Variants in MAN2A2 observed in about 807,000 individuals in gnomAD.
The protein encoded by MAN2A2 is mannosidase alpha class 2A member 2.
A neutral mutation model predicts 126.8 loss-of-function variants in MAN2A2; 79 were observed. The observed-to-expected ratio is 0.62, with a 90% CI of 0.52 to 0.75. The LOEUF is 0.75. Among genes scored for constraint, MAN2A2 ranks in the 30% least tolerant of loss-of-function variants. The pLI is 0.00. For synonymous variants in MAN2A2, 671 were observed against 618.7 expected (o/e 1.08, Z -1.25); for missense variants, 1,392 against 1,522.4 (o/e 0.91, Z 1.43).
chr15:90,910,621 C>T lies in MAN2A2; in HGVS notation c.1698C>T (p.Phe566=). 6.2e-7 allele frequency: 1 copy of T among 1,614,176 alleles called. No homozygotes were observed. The highest frequency in any genetic ancestry group is 8.5e-7 in the Non-Finnish European group (1 of 1,180,042). Reference sequence around the variant, plus strand: ...AAGCTCGGCGCACATTGGGGCTCTTCCAGCATCACGATGCCATCACTGGCA... The same window carrying T: ...AAGCTCGGCGCACATTGGGGCTCTTTCAGCATCACGATGCCATCACTGGCA... ...LTEARRTLGL[F]QHHDAITGTA... is the part of the protein sequence containing the mutation. The change falls in exon 11 of 23, where the codon TTC becomes TTT. Residue 566 remains phenylalanine, a synonymous_variant. Coordinates refer to ENST00000559717, the MANE Select transcript of MAN2A2 (RefSeq NM_006122.4).
intron 20 of MAN2A2, chr15:90,916,789 G>A (rs1374725703): frequency 6.6e-6 from 4 of 608,042 alleles, no homozygotes; most frequent in Non-Finnish European, 1.1e-5. Context: ...TTTACTGTGA[G>A]GACCCAGAGG....
Position 90,913,696 on chromosome 15 carries a change from C to A in MAN2A2, c.2801C>A (p.Ala934Glu), listed in dbSNP as rs1360304519. The change falls in exon 19 of 23, where the codon GCA becomes GAA. Residue 934 changes from alanine (A) to glutamate (E), a missense_variant. Ala to Glu is a moderately radical substitution (Grantham distance 107). Transcript: ENST00000559717. The part of the protein sequence containing the change: ...PMPVMAYIQD[A>E]QKRLTLHTAQ... ...CCAGTCATGGCCTATATCCAGGACG[C>A]ACAGAAGCGCCTCACGCTGCACACT... is the stretch of plus-strand genomic sequence containing the variant. 1.2e-6 allele frequency: 2 copies of A among 1,607,920 alleles called. No individual in the cohort carries two copies. The highest frequency in any genetic ancestry group is 2.7e-5 in the African/African-American group (2 of 74,806).
At chr15:90,905,189 A>G in intron 2 of MAN2A2, 62 bp from the exon 3 acceptor site, 1 of 1,574,650 alleles carries the variant, frequency 6.4e-7, no homozygotes, top group Admixed American at 1.7e-5. Flanking sequence ...GGTAGACCCC[A>G]AGCAGAGACC....
At chr15:90,913,566 C>T in intron 18 of MAN2A2, 48 bp from the exon 19 acceptor site, 1 of 1,584,802 alleles carries the variant, frequency 6.3e-7, no homozygotes, top group Non-Finnish European at 8.6e-7. Context: ...ACCGCTTGGG[C>T]CCACATGGTG....
At chr15:90,907,263 C>T (rs1162878091) in intron 7 of MAN2A2, 46 bp from the exon 8 acceptor site, 11 of 1,582,872 alleles carry the variant, frequency 6.9e-6, no homozygotes, top group Non-Finnish European at 9.5e-6. Flanking sequence ...CCCCTGGCGT[C>T]CAGAGGCTGC....
intron 19 of MAN2A2, chr15:90,915,348 A>C (rs754307586): frequency 2.6e-5 from 4 of 152,248 alleles, no homozygotes; most frequent in Admixed American, 1.3e-4. Flanking sequence ...GGTGGAATGT[A>C]GGGGCAGCTG....
At position 90,909,474 on chromosome 15, in the gene MAN2A2, C is replaced by A. The variant is rs781044797; in HGVS notation, c.1344C>A (p.Phe448Leu). The part of the protein sequence containing the change: ...QFFNYQRLFD[F>L]FNSRPNLHVQ... ...TCAACTACCAACGGCTCTTTGACTT[C>A]TTCAACAGCAGGCCTAACCTCCATG... Residue 448 changes from phenylalanine to leucine, a missense_variant, in exon 9 of 23, where the codon TTC (phenylalanine) becomes TTA (leucine). By Grantham distance (22) the Phe-to-Leu change is conservative. Coordinates refer to ENST00000559717, the MANE Select transcript of MAN2A2 (RefSeq NM_006122.4). 6.2e-7 allele frequency: 1 copy of A among 1,614,102 alleles called. No homozygotes were observed. Among genetic ancestry groups the A allele is most frequent in the South Asian group, 1.1e-5 (1 of 91,084 alleles).
At chr15:90,911,308 A>C in intron 13 of MAN2A2, 70 bp downstream of exon 13, 1 of 1,613,260 alleles carries the variant, frequency 6.2e-7, no homozygotes, top group Non-Finnish European at 8.5e-7. Flanking sequence ...CTGCCCCAGC[A>C]TGTGCTGAAC....
intron 22 of MAN2A2, 117 bp downstream of exon 22, chr15:90,918,872 A>G (rs1243150710): frequency 1.4e-6 from 1 of 736,826 alleles, no homozygotes; most frequent in Non-Finnish European, 2.3e-6. Flanking sequence ...CTTTCTGGAG[A>G]GAAGGGGGGA....
rs534203084 is a variant in MAN2A2, at chr15:90,916,807, G to A, written c.2994+551G>A. The A allele has an allele frequency of 7.6e-6, 4 of 529,676 alleles. 1 individual carries two copies. The Admixed American group carries it at 1.1e-4, about 15-fold the overall frequency. The allele number at this position is 529,676 out of a possible 1,614,324, so 32.8% of individuals were successfully genotyped here. On this transcript the variant is annotated intron_variant, in intron 20 of 22. Transcript: ENST00000559717. ...ACTGTGAGGACCCAGAGGGACATAA[G>A]TGCAGACAGTGCTGACTCTCCCAGG...
Position 90,918,405 on chromosome 15 carries a change from G to T in MAN2A2, c.3189+17G>T. 1 of 1,607,358 alleles carries T rather than the reference G, an allele frequency of 6.2e-7. No homozygotes were observed. On this transcript the variant is annotated intron_variant, in intron 21 of 22. Coordinates refer to ENST00000559717, the MANE Select transcript of MAN2A2 (RefSeq NM_006122.4). ...CAGGCTGAGGTGAGTGTCCCTCAGC[G>T]TGACATGCTGAGAGCAGAGTTCTGA...
At chr15:90,912,833 G>C (rs1227751925) in intron 16 of MAN2A2, 44 bp from the exon 17 acceptor site, 1 of 1,576,990 alleles carries the variant, frequency 6.3e-7, no homozygotes, top group Non-Finnish European at 8.7e-7. Flanking sequence ...TTCCTGCTTT[G>C]CCCTCTGTGC....
chr15:90,913,221 C>T, intron 17 of MAN2A2, 52 bp from the exon 18 acceptor site: 1 of 1,599,038 alleles, frequency 6.3e-7, no homozygotes, highest in Non-Finnish European at 8.5e-7. Context: ...AGCCTCTTAG[C>T]TGTGCTTCAG....
chr15:90,905,979 GACA>G lies in MAN2A2; in HGVS notation c.674_676del (p.Asn225del). 1 of 1,614,052 alleles carries G rather than the reference GACA, an allele frequency of 6.2e-7. No individual in the cohort carries two copies. The highest frequency in any genetic ancestry group is 8.5e-7 in the Non-Finnish European group (1 of 1,180,012). On this transcript the variant is annotated inframe_deletion, in exon 5 of 23. Transcript: ENST00000559717. ...GGTCTCCTTCTTCGCCAAGTGGTGG[GACA>G]ACATCAATGTCCAAAAGAGAGCGGC...
chr15:90,912,389 C>G lies in MAN2A2; in HGVS notation c.2346+110C>G. The G allele has an allele frequency of 3.9e-6, 6 of 1,556,542 alleles. No individual in the cohort carries two copies. In the South Asian group the frequency reaches 6.9e-5, roughly 18 times the overall value. ...CCTGTGAGCATTCTGCCACCTGACC[C>G]ACAGTGGACCGGGGCCTGGGCCATC... On this transcript the variant is annotated intron_variant, in intron 15 of 22. Coordinates refer to ENST00000559717, the MANE Select transcript of MAN2A2 (RefSeq NM_006122.4).
chr15:90,910,135 A>G lies in MAN2A2; in HGVS notation c.1420A>G (p.Arg474Gly). ...TGACTATTTTGATGCCCTGTACAAG[A>G]GGACAGGGGTGGAGCCAGGGGCCCG... ...LSDYFDALYK[R>G]TGVEPGARPP... The change falls in exon 10 of 23, where the codon AGG becomes GGG. Residue 474 changes from arginine (R) to glycine (G), a missense_variant. Arg to Gly is a moderately radical substitution (Grantham distance 125, BLOSUM62 -2). Transcript: ENST00000559717. 1 of 1,613,926 alleles carries G rather than the reference A, an allele frequency of 6.2e-7. No individual in the cohort carries two copies. The highest frequency in any genetic ancestry group is 8.5e-7 in the Non-Finnish European group (1 of 1,179,976).
chr15:90,906,095 G>T, intron 5 of MAN2A2, 79 bp downstream of exon 5: 1 of 1,574,844 alleles, frequency 6.3e-7, no homozygotes. Flanking sequence ...TTAAGCTATG[G>T]GTGCCAAGGT....
Position 90,906,015 on chromosome 15 carries a change from A to G in MAN2A2, c.706A>G (p.Arg236Gly). The G allele has an allele frequency of 6.2e-7, 1 of 1,613,726 alleles. No homozygotes were observed. The highest frequency in any genetic ancestry group is 8.5e-7 in the Non-Finnish European group (1 of 1,180,020). ...INVQKRAAVR[R>G]LVGNGQLEIA... ...TGTCCAAAAGAGAGCGGCAGTCCGA[A>G]GGCCAGTACCAGGCGGGGAGGCATG... The change falls in exon 5 of 23, where the codon AGG becomes GGG. Residue 236 changes from arginine to glycine, a missense_variant and splice_region_variant. By Grantham distance (125) the Arg-to-Gly change is moderately radical. Transcript: ENST00000559717.
chr15:90,907,239 A>T, intron 7 of MAN2A2, 70 bp from the exon 8 acceptor site: 1 of 1,493,050 alleles, frequency 6.7e-7, no homozygotes, highest in African/African-American at 1.4e-5. Flanking sequence ...CTTTAGCCTG[A>T]ACAGATCCTT....
Sources: allele counts gnomAD v4.1 joint callset, GRCh38; gene constraint gnomAD v4.1.1; transcripts MANE v1.5; gene names NCBI Gene and HGNC (gene_info 2026-07-23, HGNC 2026-07-21).